The following TSHZ2 variants were observed in gnomAD, a reference collection of about 807,000 sequenced individuals.
TSHZ2 encodes the protein teashirt zinc finger homeobox 2.
TSHZ2 carries 21 observed loss-of-function variants against 74.4 expected under a neutral mutation model. The ratio of observed to expected loss-of-function variants is 0.28; its 90% CI spans 0.20 to 0.41. TSHZ2 has a LOEUF of 0.41. Ranked by LOEUF, TSHZ2 falls within the 10% of genes least tolerant of loss-of-function variation. The pLI is 1.00. For synonymous variants in TSHZ2, 540 were observed against 515.3 expected (o/e 1.05, Z -0.65); for missense variants, 1,244 against 1,293.5 (o/e 0.96, Z 0.59).
chr20:53,167,545 T>C (rs894570235), intron 1 of TSHZ2, among the ~76,000 whole-genome samples: 1 of 152,038 alleles, frequency 6.6e-6, no homozygotes, highest in Non-Finnish European at 1.5e-5. Flanking sequence ...GGGAGTAATG[T>C]TTTGTTTGTT....
At chr20:53,050,121 ATATACACATATATATATGTG>A in intron 1 of TSHZ2, among the ~76,000 whole-genome samples, 1 of 96,876 alleles carries the variant, frequency 1.0e-5, no homozygotes, top group African/African-American at 6.8e-5. Context: ...ATATATATAT[ATATACACATATATATATGTG>A]TATATATATA....
intron 1 of TSHZ2, among the ~76,000 whole-genome samples, chr20:53,200,351 C>T (rs1988972684): frequency 6.6e-6 from 1 of 152,062 alleles, no homozygotes; most frequent in Non-Finnish European, 1.5e-5. Flanking sequence ...CACCTGAAAA[C>T]CAGGAAACAC....
At chr20:53,395,078 AG>A (rs1982400839) in intron 2 of TSHZ2, among the ~76,000 whole-genome samples, 1 of 152,202 alleles carries the variant, frequency 6.6e-6, no homozygotes, top group South Asian at 2.1e-4. Context: ...AGTGGAGGAA[AG>A]TAGAATTCAG....
chr20:53,458,029 T>A (rs1356830555), intron 2 of TSHZ2, among the ~76,000 whole-genome samples: 1 of 152,076 alleles, frequency 6.6e-6, no homozygotes, highest in Non-Finnish European at 1.5e-5. Flanking sequence ...TCTTTTTTGG[T>A]TGAGTCTCTG....
intron 1 of TSHZ2, among the ~76,000 whole-genome samples, chr20:53,108,908 T>A (rs1986453941): frequency 6.6e-6 from 1 of 152,180 alleles, no homozygotes; most frequent in South Asian, 2.1e-4. Context: ...TTTTTCTTCC[T>A]TCCCTGCAGT....
chr20:53,423,127 C>G (rs415538), intron 2 of TSHZ2, among the ~76,000 whole-genome samples: 64 of 152,354 alleles, frequency 4.2e-4, no homozygotes, highest in African/African-American at 1.5e-3. Context: ...GGTTGGGCGC[C>G]GTGGCTTATG....
intron 1 of TSHZ2, among the ~76,000 whole-genome samples, chr20:53,085,245 AT>A (rs1201449218): frequency 3.3e-5 from 5 of 152,004 alleles, no homozygotes; most frequent in Non-Finnish European, 7.4e-5. Context: ...GGCACCTATA[AT>A]CCCAGCTACT....
chr20:53,230,688 T>C (rs986814500), intron 1 of TSHZ2, among the ~76,000 whole-genome samples: 15 of 152,040 alleles, frequency 9.9e-5, no homozygotes, highest in African/African-American at 2.2e-4. Context: ...GTCAGGAGTT[T>C]GAGACCAGCC....
chr20:53,461,227 G>A (rs537617432), intron 2 of TSHZ2, among the ~76,000 whole-genome samples: 16 of 151,994 alleles, frequency 1.1e-4, no homozygotes, highest in East Asian at 3.9e-4. Flanking sequence ...AGCCAGGTGC[G>A]GGATATAATC....
At chr20:53,469,935 C>T (rs1985746658) in intron 2 of TSHZ2, among the ~76,000 whole-genome samples, 1 of 151,896 alleles carries the variant, frequency 6.6e-6, no homozygotes, top group Non-Finnish European at 1.5e-5. Flanking sequence ...GGCAGGCAGG[C>T]AGGCAGGCAG....
At chr20:53,271,873 A>G (rs961164554) in intron 2 of TSHZ2, among the ~76,000 whole-genome samples, 2 of 152,222 alleles carry the variant, frequency 1.3e-5, no homozygotes, top group Admixed American at 1.3e-4. Context: ...TGTGCATACA[A>G]TGGCTTCTCC....
chr20:53,336,543 G>A (rs1979955387), intron 2 of TSHZ2, among the ~76,000 whole-genome samples: 1 of 152,160 alleles, frequency 6.6e-6, no homozygotes, highest in Admixed American at 6.5e-5. Context: ...TAAGATGTCT[G>A]AGGATGGAGC....
intron 2 of TSHZ2, among the ~76,000 whole-genome samples, chr20:53,376,806 A>G (rs1011091768): frequency 7.2e-5 from 11 of 152,222 alleles, no homozygotes; most frequent in Non-Finnish European, 1.3e-4. Context: ...GACTCCTTAC[A>G]TGGGCCAACT....
At position 53,255,259 on chromosome 20, in the gene TSHZ2, A is replaced by C. The variant is rs1990440480; in HGVS notation, c.1801A>C (p.Lys601Gln). 1 of 1,614,116 alleles carries C rather than the reference A, an allele frequency of 6.2e-7. No individual in the cohort carries two copies. Among genetic ancestry groups the C allele is most frequent in the African/African-American group, 1.3e-5 (1 of 74,944 alleles). Residue 601 changes from lysine (K) to glutamine (Q), a missense_variant, in exon 2 of 3, where the codon AAG becomes CAG. Lys to Gln is a moderately conservative substitution (Grantham distance 53). This residue lies in a region of TSHZ2 where 562 missense variants were observed against 544.0 expected (regional missense o/e 1.03). Transcript: ENST00000371497. The surrounding 1 kb of genome is among the most constrained non-coding windows in gnomAD (Gnocchi z 4.1). ...PTHLAPYTQVKKESEDKDEAV... is the reference protein window; with the variant it reads ...PTHLAPYTQVQKESEDKDEAV... ...ACACCTGGCCCCTTACACTCAAGTC[A>C]AGAAAGAGTCAGAAGACAAAGATGA...
intron 1 of TSHZ2, among the ~76,000 whole-genome samples, chr20:53,132,058 C>T (rs1444826674): frequency 1.3e-5 from 2 of 152,094 alleles, no homozygotes; most frequent in Non-Finnish European, 2.9e-5. Context: ...TAGAAGGAAC[C>T]TCACATGCGC....
At chr20:53,017,848 G>T (rs962517916) in intron 1 of TSHZ2, among the ~76,000 whole-genome samples, 1 of 152,132 alleles carries the variant, frequency 6.6e-6, no homozygotes, top group African/African-American at 2.4e-5. Flanking sequence ...ACATTGTATA[G>T]TAGTTACCTA....
intron 1 of TSHZ2, among the ~76,000 whole-genome samples, chr20:53,158,867 C>T (rs1276117845): frequency 1.3e-5 from 2 of 152,214 alleles, no homozygotes; most frequent in African/African-American, 4.8e-5. Context: ...GCCTCACCTG[C>T]CCACTTTGCA....
At chr20:53,315,492 T>C (rs1207226082) in intron 2 of TSHZ2, among the ~76,000 whole-genome samples, 1 of 152,254 alleles carries the variant, frequency 6.6e-6, no homozygotes, top group East Asian at 1.9e-4. Flanking sequence ...TGCTTGCCTT[T>C]GGTTGTTGTC....
At chr20:53,190,127 A>ATTTTT (rs1568803475) in intron 1 of TSHZ2, among the ~76,000 whole-genome samples, 2 of 90,660 alleles carry the variant, frequency 2.2e-5, no homozygotes, top group Admixed American at 1.1e-4. Flanking sequence ...ATATATATAT[A>ATTTTT]TATATATATA....
Sources: gnomAD v4.1 joint callset for allele counts (sites outside exome capture counted in the v4.1 genomes callset) on GRCh38, gnomAD v4.1.1 for gene constraint, gnomAD v4.1.1 regional missense constraint, Gnocchi (gnomAD v3.1) non-coding constraint, MANE v1.5 for transcripts, NCBI Gene and HGNC (gene_info 2026-07-23, HGNC 2026-07-21) for gene names.